TAFA2: variants seen among roughly 807,000 people sequenced by gnomAD.
TAFA2 encodes TAFA chemokine like family member 2.
Under a neutral mutation model 18.8 loss-of-function variants are expected in TAFA2, and 7 were observed. That is an observed-to-expected ratio of 0.37 (90% CI 0.21 to 0.70). TAFA2 has a LOEUF of 0.70. Ranked by LOEUF, TAFA2 falls within the 30% of genes least tolerant of loss-of-function variation. The pLI is 0.53. For missense variants in TAFA2, 122 were observed against 158.1 expected, an observed-to-expected ratio of 0.77 and a Z score of 1.23; for synonymous variants, 60 against 54.2, an observed-to-expected ratio of 1.11 and a Z score of -0.47.
intron 1 of TAFA2, among the ~76,000 whole-genome samples, chr12:62,077,009 T>G (rs1868253907): frequency 6.6e-6 from 1 of 152,260 alleles, no homozygotes; most frequent in Non-Finnish European, 1.5e-5. Context: ...TAGGTTTAGG[T>G]GATTAACTTT....
chr12:62,258,057 T>C (rs1240052741), intron 1 of TAFA2, among the ~76,000 whole-genome samples: 2 of 152,236 alleles, frequency 1.3e-5, no homozygotes, highest in African/African-American at 4.8e-5. Flanking sequence ...CTGCCTGGTT[T>C]CAATTTAGGT....
Position 61,733,280 on chromosome 12 carries a change from G to T in TAFA2, c.384+20342C>A, listed in dbSNP as rs570111149. 7.2e-5 allele frequency among the ~76,000 whole-genome samples: 11 copies of T among 152,084 alleles called. No homozygotes were observed. The East Asian group carries it at 2.1e-3, about 30-fold the overall frequency. On this transcript the variant is annotated intron_variant, in intron 4 of 4. Coordinates refer to ENST00000416284, the MANE Select transcript of TAFA2 (RefSeq NM_178539.5). Reference sequence around the variant, plus strand: ...GTGCAGAAGCTCTTTAGTTTAATTAGATCCCATTTGTCAATTTTGCCTTTT... The same window carrying T: ...GTGCAGAAGCTCTTTAGTTTAATTATATCCCATTTGTCAATTTTGCCTTTT...
At chr12:62,236,261 C>CTTTTTTTTTTTTTTTTTTT (rs61199215) in intron 1 of TAFA2, among the ~76,000 whole-genome samples, 1 of 113,840 alleles carries the variant, frequency 8.8e-6, no homozygotes, top group Non-Finnish European at 1.9e-5. Flanking sequence ...TGTTTTTTTT[C>CTTTTTTTTTTTTTTTTTTT]TTTTTTTTTT....
intron 2 of TAFA2, among the ~76,000 whole-genome samples, chr12:61,813,660 A>T (rs1871963866): frequency 6.6e-6 from 1 of 151,448 alleles, no homozygotes; most frequent in African/African-American, 2.5e-5. Flanking sequence ...GTTTATTTCC[A>T]TCAACACCAA....
intron 1 of TAFA2, chr12:62,235,386 C>T: frequency 1.6e-6 from 1 of 642,966 alleles, no homozygotes. Context: ...CACTCCGGAG[C>T]TTCCAGAAGA....
intron 4 of TAFA2, among the ~76,000 whole-genome samples, chr12:61,724,729 A>C (rs974499112): frequency 9.4e-5 from 13 of 137,958 alleles, no homozygotes; most frequent in Admixed American, 4.4e-4. Flanking sequence ...TTCATGGCTG[A>C]GTAGTATTCC....
chr12:62,019,221 T>C (rs1881038639), intron 1 of TAFA2, among the ~76,000 whole-genome samples: 1 of 152,078 alleles, frequency 6.6e-6, no homozygotes, highest in African/African-American at 2.4e-5. Context: ...TTTTACACTG[T>C]TGGTGGGACT....
At chr12:61,877,787 A>G (rs1317170907) in intron 1 of TAFA2, among the ~76,000 whole-genome samples, 3 of 152,122 alleles carry the variant, frequency 2.0e-5, no homozygotes, top group South Asian at 2.1e-4. Context: ...CTCTTCTTGC[A>G]ATGTACAATG....
chr12:62,189,545 A>T (rs1459492873), intron 1 of TAFA2, among the ~76,000 whole-genome samples: 1 of 152,226 alleles, frequency 6.6e-6, no homozygotes, highest in Non-Finnish European at 1.5e-5. Flanking sequence ...GTTAGGTGCC[A>T]ATTTTGATAT....
intron 1 of TAFA2, among the ~76,000 whole-genome samples, chr12:62,184,447 T>G (rs2062571357): frequency 6.6e-6 from 1 of 150,806 alleles, no homozygotes; most frequent in South Asian, 2.1e-4. Flanking sequence ...GCTATATTAT[T>G]GCACTTCCAT....
At chr12:62,247,433 T>C (rs2062891989) in intron 1 of TAFA2, among the ~76,000 whole-genome samples, 1 of 152,266 alleles carries the variant, frequency 6.6e-6, no homozygotes, top group Non-Finnish European at 1.5e-5. Flanking sequence ...CCAAACATTC[T>C]GAAAGTGCAG....
chr12:61,817,576 G>T (rs886125972), intron 2 of TAFA2, among the ~76,000 whole-genome samples: 5 of 151,956 alleles, frequency 3.3e-5, no homozygotes, highest in African/African-American at 9.7e-5. Context: ...AACTCCAAAG[G>T]TTATCTTAAA....
At chr12:62,172,379 C>T (rs934778749) in intron 1 of TAFA2, among the ~76,000 whole-genome samples, 1 of 152,174 alleles carries the variant, frequency 6.6e-6, no homozygotes, top group Non-Finnish European at 1.5e-5. Flanking sequence ...AATAAGGTGT[C>T]TTCGATGTAA....
At chr12:62,027,906 T>C (rs971694983) in intron 1 of TAFA2, among the ~76,000 whole-genome samples, 4 of 152,156 alleles carry the variant, frequency 2.6e-5, no homozygotes, top group Non-Finnish European at 5.9e-5. Flanking sequence ...ACCACAAGAT[T>C]AGCTCCAGAT....
chr12:61,861,372 C>T (rs749072052), intron 2 of TAFA2, among the ~76,000 whole-genome samples: 27 of 151,848 alleles, frequency 1.8e-4, no homozygotes, highest in Non-Finnish European at 3.2e-4. Context: ...GCCTCAGCCT[C>T]CCGAGTAGCT....
intron 4 of TAFA2, among the ~76,000 whole-genome samples, chr12:61,727,353 T>A (rs1400156517): frequency 1.3e-5 from 1 of 75,082 alleles, no homozygotes; most frequent in African/African-American, 3.6e-5. Context: ...GTCCTGGACC[T>A]TTTTTTTTTG....
intron 1 of TAFA2, among the ~76,000 whole-genome samples, chr12:62,072,424 G>A (rs753460440): frequency 8.6e-5 from 13 of 151,352 alleles, no homozygotes; most frequent in African/African-American, 4.9e-5. Flanking sequence ...AGCCAAGATC[G>A]CGCCACTGCA....
At chr12:62,069,484 C>A (rs1277965650) in intron 1 of TAFA2, among the ~76,000 whole-genome samples, 1 of 152,012 alleles carries the variant, frequency 6.6e-6, no homozygotes, top group Non-Finnish European at 1.5e-5. Context: ...TCAGATGCTA[C>A]GTACACCAGG....
intron 1 of TAFA2, among the ~76,000 whole-genome samples, chr12:62,064,202 T>G (rs961601053): frequency 1.3e-5 from 2 of 152,040 alleles, no homozygotes; most frequent in African/African-American, 4.8e-5. Context: ...CACTAAAAAC[T>G]TTACCCAACA....
Sources: allele counts gnomAD v4.1 joint callset (sites outside exome capture counted in the v4.1 genomes callset), GRCh38; gene constraint gnomAD v4.1.1; transcripts MANE v1.5; gene names NCBI Gene and HGNC (gene_info 2026-07-23, HGNC 2026-07-21).